GABRA4: variants seen among roughly 807,000 people sequenced by gnomAD.
The protein encoded by GABRA4 is gamma-aminobutyric acid receptor subunit alpha-4.
A neutral mutation model predicts 49.7 loss-of-function variants in GABRA4; 12 were observed. That is an observed-to-expected ratio of 0.24 (90% confidence interval 0.15 to 0.39). The LOEUF is 0.39. Ranked by LOEUF, GABRA4 falls within the 10% of genes least tolerant of loss-of-function variation. The pLI, the probability that GABRA4 is intolerant of heterozygous loss-of-function variation, is 1.00. For synonymous variants in GABRA4, 288 were observed against 240.2 expected (o/e 1.20, Z -1.84); for missense variants, 506 against 686.0 (o/e 0.74, Z 2.93).
intron 8 of GABRA4, among the ~76,000 whole-genome samples, chr4:46,940,253 G>A (rs1006884782): frequency 6.6e-6 from 1 of 151,912 alleles, no homozygotes; most frequent in Non-Finnish European, 1.5e-5. Context: ...CAAGATATAT[G>A]GTAAAACTGA....
At chr4:46,972,547 C>T (rs968810146) in intron 6 of GABRA4, among the ~76,000 whole-genome samples, 4 of 151,392 alleles carry the variant, frequency 2.6e-5, no homozygotes, top group East Asian at 2.0e-4. Context: ...CAATCTATGC[C>T]ACAAATATAT....
At chr4:46,950,379 C>T (rs183542588) in intron 8 of GABRA4, among the ~76,000 whole-genome samples, 16 of 152,088 alleles carry the variant, frequency 1.1e-4, no homozygotes, top group Non-Finnish European at 1.0e-4. Context: ...AATAACCTAA[C>T]GAATTTAAAA....
At position 46,928,204 on chromosome 4, in the gene GABRA4, C is replaced by A. The variant is rs754008360; in HGVS notation, c.*21G>T. ...ATTCTGCATTTTCATCATCTTTTAGCAAACTACTATAGCAACGAAATTACA... is the reference window on the plus strand; with the variant it reads ...ATTCTGCATTTTCATCATCTTTTAGAAAACTACTATAGCAACGAAATTACA... On this transcript the variant is annotated 3_prime_UTR_variant, in exon 9 of 9. Coordinates refer to ENST00000264318, the MANE Select transcript of GABRA4 (RefSeq NM_000809.4). 15 of 1,539,456 alleles carry A rather than the reference C, an allele frequency of 9.7e-6. No individual in the cohort carries two copies. In the South Asian group the frequency reaches 1.3e-4, roughly 13 times the overall value.
intron 8 of GABRA4, among the ~76,000 whole-genome samples, chr4:46,935,663 C>A (rs1038618875): frequency 6.6e-6 from 1 of 150,698 alleles, no homozygotes; most frequent in Non-Finnish European, 1.5e-5. Flanking sequence ...ACACTAGGGC[C>A]TGTTTGGGGT....
At chr4:46,993,246 C>G in intron 1 of GABRA4, 93 bp downstream of exon 1, 1 of 1,065,776 alleles carries the variant, frequency 9.4e-7, no homozygotes, top group Non-Finnish European at 1.5e-6. Context: ...AAGACCTAGT[C>G]CACCCAGGGA....
rs1486989355 is a variant in GABRA4, at chr4:46,925,328, C to T, written c.*2897G>A. The T allele has an allele frequency of 6.6e-6, 1 of 151,866 alleles. No individual in the cohort carries two copies. The highest frequency in any genetic ancestry group is 1.5e-5 in the Non-Finnish European group (1 of 67,860). 9.4% of individuals were successfully genotyped at this position (151,866 alleles called of 1,614,324 possible). A position where few individuals can be genotyped will look rare whatever the true frequency, so the allele number is the denominator to read the frequency against. Reference sequence around the variant, plus strand: ...ACTATGTATATGCACAAGTGCAAGTCATTTTAAAATGTGGATTAATCATGT... The same window carrying T: ...ACTATGTATATGCACAAGTGCAAGTTATTTTAAAATGTGGATTAATCATGT... On this transcript the variant is annotated 3_prime_UTR_variant, in exon 9 of 9. Transcript: ENST00000264318.
At chr4:46,981,776 A>C (rs1385947012) in intron 2 of GABRA4, among the ~76,000 whole-genome samples, 1 of 152,102 alleles carries the variant, frequency 6.6e-6, no homozygotes, top group Admixed American at 6.6e-5. Flanking sequence ...AGAGACTGGG[A>C]GGGTCATTCC....
intron 2 of GABRA4, among the ~76,000 whole-genome samples, chr4:46,985,448 G>A (rs1371237912): frequency 2.6e-5 from 4 of 151,836 alleles, no homozygotes; most frequent in Admixed American, 6.6e-5. Flanking sequence ...TAAAAAGAAG[G>A]CTACATATGG....
chr4:46,983,730 C>G (rs1446506992), intron 2 of GABRA4, among the ~76,000 whole-genome samples: 2 of 152,022 alleles, frequency 1.3e-5, no homozygotes, highest in Non-Finnish European at 2.9e-5. Flanking sequence ...ATGTTCAAAT[C>G]AAACTTACTC....
In GABRA4 at chr4:46,964,954, G is replaced by T; in HGVS notation, c.1134+16C>A. ...GAAGCTAAAATCTTAAACTGAAGGTGGATTAAGTCAAATACCTGCAGAGGG... is the reference window on the plus strand; with the variant it reads ...GAAGCTAAAATCTTAAACTGAAGGTTGATTAAGTCAAATACCTGCAGAGGG... On this transcript the variant is annotated intron_variant, in intron 8 of 8. Coordinates refer to ENST00000264318, the MANE Select transcript of GABRA4 (RefSeq NM_000809.4). 2 of 1,562,884 alleles carry T rather than the reference G, an allele frequency of 1.3e-6. No homozygotes were observed. The highest frequency in any genetic ancestry group is 1.7e-6 in the Non-Finnish European group (2 of 1,154,216).
intron 8 of GABRA4, among the ~76,000 whole-genome samples, chr4:46,961,928 T>C (rs1722590625): frequency 6.6e-6 from 1 of 151,874 alleles, no homozygotes; most frequent in South Asian, 2.1e-4. Context: ...TTTTGTACAG[T>C]TGGACTCCAT....
At chr4:46,982,651 T>C (rs760939166) in intron 2 of GABRA4, among the ~76,000 whole-genome samples, 3 of 152,104 alleles carry the variant, frequency 2.0e-5, no homozygotes, top group Admixed American at 6.6e-5. Flanking sequence ...TCTTTACTTA[T>C]AGGTCGTGGT....
At position 46,920,488 on chromosome 4, in the gene GABRA4, G is replaced by A. The variant is rs1720984715; in HGVS notation, c.*7737C>T. On this transcript the variant is annotated 3_prime_UTR_variant, in exon 9 of 9. Coordinates refer to ENST00000264318, the MANE Select transcript of GABRA4 (RefSeq NM_000809.4). ...GTTCAGCAAAATATTTTATTAAAGA[G>A]ATGATGTATATGTATTAATATATGA... is the stretch of plus-strand genomic sequence containing the variant. 1 of 151,624 alleles carries A rather than the reference G, an allele frequency of 6.6e-6. No homozygotes were observed. The highest frequency in any genetic ancestry group is 2.4e-5 in the African/African-American group (1 of 41,386). The allele number at this position is 151,624 out of a possible 1,614,324, so 9.4% of individuals were successfully genotyped here. A position where few individuals can be genotyped will look rare whatever the true frequency, so the allele number is the denominator to read the frequency against.
chr4:46,930,452 C>G (rs530896457), intron 8 of GABRA4, among the ~76,000 whole-genome samples: 52 of 151,678 alleles, frequency 3.4e-4, no homozygotes, highest in Non-Finnish European at 7.5e-4. Flanking sequence ...CAAGGTATAT[C>G]CTCAAAATTT....
chr4:46,948,847 C>T (rs928131439), intron 8 of GABRA4, among the ~76,000 whole-genome samples: 11 of 152,082 alleles, frequency 7.2e-5, no homozygotes, highest in Admixed American at 1.3e-4. Context: ...TAAAGGACAT[C>T]TTATTCAGGA....
rs778262084 is a variant in GABRA4 at position 46,993,380 on chromosome 4, C to A, written c.45G>T (p.Gly15=). ...GGAAGCGCAGGAGGGCGAAACTGAC[C>A]CCGGCGGACAGAGCGATCGCGGGTA... ...KKVPAIALSA[G]VSFALLRFLC... is the part of the protein sequence containing the mutation. The change falls in exon 1 of 9, where the codon GGG becomes GGT. Residue 15 remains glycine, a synonymous_variant. Coordinates refer to ENST00000264318, the MANE Select transcript of GABRA4 (RefSeq NM_000809.4). 3 of 1,614,114 alleles carry A rather than the reference C, an allele frequency of 1.9e-6. No homozygotes were observed. Among genetic ancestry groups the A allele is most frequent in the Non-Finnish European group, 1.7e-6 (2 of 1,180,044 alleles).
Position 46,921,492 on chromosome 4 carries a change from T to C in GABRA4, c.*6733A>G, listed in dbSNP as rs1256027457. The stretch of plus-strand genomic sequence containing the variant: ...AGGAAAATGTAAAAAGAATTTATTT[T>C]TTATACAGGAGTTCTTTCTATCAGC... On this transcript the variant is annotated 3_prime_UTR_variant, in exon 9 of 9. Transcript: ENST00000264318. 1 of 152,068 alleles carries C rather than the reference T, an allele frequency of 6.6e-6. No homozygotes were observed. The allele number at this position is 152,068 out of a possible 1,614,324, so 9.4% of individuals were successfully genotyped here. A position where few individuals can be genotyped will look rare whatever the true frequency, so the allele number is the denominator to read the frequency against.
intron 8 of GABRA4, among the ~76,000 whole-genome samples, chr4:46,950,039 T>G (rs944763805): frequency 6.6e-6 from 1 of 152,112 alleles, no homozygotes; most frequent in African/African-American, 2.4e-5. Flanking sequence ...CTTGGTGCCA[T>G]TTTTAGATCA....
chr4:46,928,578 G>A lies in GABRA4; in HGVS notation c.1312C>T (p.Arg438Cys), dbSNP rs201220260. 1.2e-4 allele frequency: 191 copies of A among 1,613,690 alleles called. No homozygotes were observed. The highest frequency in any genetic ancestry group is 8.5e-4 in the Admixed American group (51 of 59,932). The change falls in exon 9 of 9, where the codon CGT (arginine) becomes TGT (cysteine). Residue 438 changes from arginine (R) to cysteine (C), a missense_variant. Physicochemically the swap from Arg to Cys is radical, Grantham distance 180 (BLOSUM62 -3). Around this residue, in one of 5 missense-constraint regions of GABRA4, gnomAD observed 243 missense variants for 210.8 expected, o/e 1.15. Transcript: ENST00000264318. ...GATATGGTTTCAGCTGCATTTGCAC[G>A]GCTGAATGGGTTTGGACTGGAAGCT... ...YLASSPNPFS[R>C]ANAAETISAA...
Sources: gnomAD v4.1 joint callset for allele counts (sites outside exome capture counted in the v4.1 genomes callset) on GRCh38, gnomAD v4.1.1 for gene constraint, gnomAD v4.1.1 regional missense constraint, MANE v1.5 for transcripts, NCBI Gene and HGNC (gene_info 2026-07-23, HGNC 2026-07-21) for gene names.